SOX6: variants seen among roughly 807,000 people sequenced by gnomAD.
The protein encoded by SOX6 is transcription factor SOX-6.
Under a neutral mutation model 97.8 loss-of-function variants are expected in SOX6, and 11 were observed. The observed-to-expected ratio is 0.11, with a 90% CI of 0.07 to 0.19. SOX6 has a LOEUF of 0.19. SOX6 is among the 10% of genes least tolerant of loss of function. The pLI, the probability that SOX6 is intolerant of heterozygous loss-of-function variation, is 1.00. For missense variants in SOX6, 810 were observed against 1,039.5 expected (o/e 0.78, Z 3.04); for synonymous variants, 360 against 371.4 (o/e 0.97, Z 0.35).
At chr11:16,710,596 C>T (rs1848171027) in intron 3 of SOX6, among the ~76,000 whole-genome samples, 1 of 82,058 alleles carries the variant, frequency 1.2e-5, no homozygotes, top group East Asian at 3.6e-4. Flanking sequence ...AGAGTTACTA[C>T]CTCTTAGCCT....
upstream of SOX6, among the ~76,000 whole-genome samples, chr11:16,481,162 T>C (rs1860338802): frequency 6.6e-6 from 1 of 152,174 alleles, no homozygotes. Context: ...CTTGCAGCTT[T>C]ACTAGATTAA....
chr11:16,207,245 T>G (rs2168253), intron 4 of SOX6, among the ~76,000 whole-genome samples: 71,491 of 151,994 alleles, frequency 0.47, 17,062 homozygotes, highest in Middle Eastern at 0.65. Flanking sequence ...TAGAAGAATG[T>G]ATAAACAAAG....
At chr11:16,639,237 T>C (rs527736125) in intron 3 of SOX6, among the ~76,000 whole-genome samples, 2 of 152,316 alleles carry the variant, frequency 1.3e-5, no homozygotes, top group Non-Finnish European at 2.9e-5. Context: ...ATGTGTGGCA[T>C]TATTTCTGAG....
At chr11:16,701,175 T>G (rs756240690) in intron 3 of SOX6, among the ~76,000 whole-genome samples, 1 of 152,230 alleles carries the variant, frequency 6.6e-6, no homozygotes, top group Non-Finnish European at 1.5e-5. Context: ...TCCAAAGGAA[T>G]TAGTGTGAAC....
rs1260332066 is a variant in SOX6 at position 15,968,800 on chromosome 11, G to GAAAAT, written c.*4008_*4009insATTTT. Reference sequence around the variant, plus strand: ...CCTGGGCTTTGGTGTCAGGACCCTGGCAAATCAAATCAGGCCTGAGGACAA... The same window carrying GAAAAT: ...CCTGGGCTTTGGTGTCAGGACCCTGGAAAATCAAATCAAATCAGGCCTGAGGACAA... On this transcript the variant is annotated 3_prime_UTR_variant, in exon 16 of 16. Coordinates refer to ENST00000683767, the MANE Select transcript of SOX6 (RefSeq NM_001367873.1). 12 of 152,212 alleles carry GAAAAT rather than the reference G, an allele frequency of 7.9e-5. No homozygotes were observed. The highest frequency in any genetic ancestry group is 2.9e-5 in the Non-Finnish European group (2 of 68,072). The allele number at this position is 152,212 out of a possible 1,614,324, so 9.4% of individuals were successfully genotyped here. A position where few individuals can be genotyped will look rare whatever the true frequency, so the allele number is the denominator to read the frequency against.
chr11:16,242,512 A>G (rs1853224637), intron 3 of SOX6, among the ~76,000 whole-genome samples: 1 of 151,832 alleles, frequency 6.6e-6, no homozygotes, highest in Non-Finnish European at 1.5e-5. Flanking sequence ...ATATACAAAG[A>G]CCTTAAGGTA....
chr11:16,491,683 G>T (rs1039282587), intron 4 of SOX6, among the ~76,000 whole-genome samples: 1 of 152,114 alleles, frequency 6.6e-6, no homozygotes, highest in South Asian at 2.1e-4. Flanking sequence ...TTAATACAGA[G>T]TAACTGGCAC....
chr11:16,255,612 G>C (rs1853657352), intron 3 of SOX6, among the ~76,000 whole-genome samples: 1 of 152,050 alleles, frequency 6.6e-6, no homozygotes, highest in Non-Finnish European at 1.5e-5. Context: ...GCAGTGCTGA[G>C]AGGGAAGCAT....
chr11:16,336,545 GT>G (rs1856466472), intron 2 of SOX6, among the ~76,000 whole-genome samples: 1 of 152,030 alleles, frequency 6.6e-6, no homozygotes. Context: ...CACTGCAATG[GT>G]TTCCTAATCG....
chr11:16,664,360 T>C (rs1016164259), intron 3 of SOX6, among the ~76,000 whole-genome samples: 16 of 151,602 alleles, frequency 1.1e-4, no homozygotes, highest in African/African-American at 3.6e-4. Flanking sequence ...CCACAAGGAG[T>C]GGAGAAAGAA....
chr11:16,324,926 G>C (rs1000140368), intron 2 of SOX6, among the ~76,000 whole-genome samples: 3 of 151,974 alleles, frequency 2.0e-5, no homozygotes, highest in African/African-American at 7.2e-5. Flanking sequence ...AGTGGTGATG[G>C]GGAATAAAGA....
intron 4 of SOX6, among the ~76,000 whole-genome samples, chr11:16,495,362 C>T (rs1277105607): frequency 6.6e-6 from 1 of 152,206 alleles, no homozygotes; most frequent in Non-Finnish European, 1.5e-5. Context: ...CCTATCAAAA[C>T]TAGTGCCCAT....
chr11:16,290,225 A>G (rs1197466513), intron 3 of SOX6, among the ~76,000 whole-genome samples: 1 of 152,020 alleles, frequency 6.6e-6, no homozygotes, highest in Non-Finnish European at 1.5e-5. Context: ...AAAAAATCTG[A>G]TGAAAATAAA....
intron 1 of SOX6, among the ~76,000 whole-genome samples, chr11:16,412,677 C>G (rs1036256614): frequency 2.6e-5 from 4 of 152,144 alleles, no homozygotes; most frequent in African/African-American, 9.7e-5. Flanking sequence ...TTGAAAAGTC[C>G]TGCCTTCTAA....
Position 16,017,904 on chromosome 11 carries a change from C to T in SOX6, c.1624-2854G>A, listed in dbSNP as rs140537404. Among the ~76,000 whole-genome samples, 4 of 152,078 alleles carry T rather than the reference C, an allele frequency of 2.6e-5. No homozygotes were observed. In the East Asian group the frequency reaches 5.8e-4, roughly 22 times the overall value. On this transcript the variant is annotated intron_variant, in intron 12 of 15. Coordinates refer to ENST00000683767, the MANE Select transcript of SOX6 (RefSeq NM_001367873.1). ...TACCTCAATGCTAATTTAATCCCACCCCTTCCAGGAAAACTGCCCCATCTT... is the reference window on the plus strand; with the variant it reads ...TACCTCAATGCTAATTTAATCCCACTCCTTCCAGGAAAACTGCCCCATCTT...
intron 4 of SOX6, among the ~76,000 whole-genome samples, chr11:16,570,202 T>C (rs1241326754): frequency 6.6e-6 from 1 of 152,172 alleles, no homozygotes; most frequent in East Asian, 1.9e-4. Flanking sequence ...ATTGATCGTA[T>C]ACTCTCTGGT....
At chr11:16,295,225 C>T (rs1403093497) in intron 3 of SOX6, among the ~76,000 whole-genome samples, 1 of 152,014 alleles carries the variant, frequency 6.6e-6, no homozygotes, top group African/African-American at 2.4e-5. Flanking sequence ...TTCTACGAGA[C>T]TTATTTAAAT....
chr11:15,994,607 A>G (rs957660473), intron 13 of SOX6, among the ~76,000 whole-genome samples: 1 of 152,132 alleles, frequency 6.6e-6, no homozygotes, highest in Non-Finnish European at 1.5e-5. Context: ...TAAATGAGAA[A>G]TTACCACTGA....
At chr11:16,620,207 T>C (rs1848525448) in intron 3 of SOX6, among the ~76,000 whole-genome samples, 1 of 152,214 alleles carries the variant, frequency 6.6e-6, no homozygotes, top group Non-Finnish European at 1.5e-5. Flanking sequence ...TCAGTACTAG[T>C]ACAAAATCTC....
Sources: gnomAD v4.1 joint callset for allele counts (sites outside exome capture counted in the v4.1 genomes callset) on GRCh38, gnomAD v4.1.1 for gene constraint, MANE v1.5 for transcripts, NCBI Gene and HGNC (gene_info 2026-07-23, HGNC 2026-07-21) for gene names.